Variants in CATSPERE observed in about 807,000 individuals in gnomAD.
The protein encoded by CATSPERE is cation channel sperm-associated auxiliary subunit epsilon.
CATSPERE carries 93 observed loss-of-function variants against 114.1 expected under a neutral mutation model. The ratio of observed to expected loss-of-function variants is 0.81; its 90% CI spans 0.69 to 0.97. CATSPERE has a LOEUF of 0.97. CATSPERE is among the 50% of genes least tolerant of loss of function. CATSPERE has a pLI of 0.00. For missense variants in CATSPERE, 1,058 were observed against 1,131.6 expected, an observed-to-expected ratio of 0.93 and a Z score of 0.93; for synonymous variants, 341 against 384.1, an observed-to-expected ratio of 0.89 and a Z score of 1.31.
rs752048019 is a variant in CATSPERE at position 244,593,377 on chromosome 1, G to A, written c.2190-18G>A. On this transcript the variant is annotated intron_variant, in intron 15 of 21. Transcript: ENST00000366534. ...TGAAAAGAGGAAAGAGAAATAATGA[G>A]GAATGTCTTTTTCACAGGTCATATC... is the stretch of plus-strand genomic sequence containing the variant. 2 of 1,611,138 alleles carry A rather than the reference G, an allele frequency of 1.2e-6. No individual in the cohort carries two copies. The highest frequency in any genetic ancestry group is 1.7e-6 in the Non-Finnish European group (2 of 1,179,400).
chr1:244,566,325 A>G (rs1457151049), intron 10 of CATSPERE, among the ~76,000 whole-genome samples: 1 of 152,178 alleles, frequency 6.6e-6, no homozygotes, highest in Non-Finnish European at 1.5e-5. Flanking sequence ...AGAGTTCTGT[A>G]GATGTCTATT....
At chr1:244,491,633 C>CA (rs1415657808) in intron 6 of CATSPERE, among the ~76,000 whole-genome samples, 1 of 152,004 alleles carries the variant, frequency 6.6e-6, no homozygotes, top group Non-Finnish European at 1.5e-5. Context: ...AAAAACCCTT[C>CA]AAAAAATTAA....
intron 5 of CATSPERE, among the ~76,000 whole-genome samples, chr1:244,484,656 GTTGT>G (rs756792746): frequency 6.6e-6 from 1 of 152,098 alleles, no homozygotes; most frequent in Non-Finnish European, 1.5e-5. Context: ...GTGCTTTCTA[GTTGT>G]TTGTTTATCC....
At chr1:244,480,877 G>T (rs974115415) in intron 5 of CATSPERE, among the ~76,000 whole-genome samples, 5 of 152,184 alleles carry the variant, frequency 3.3e-5, no homozygotes, top group African/African-American at 1.2e-4. Flanking sequence ...GAAACCGGCA[G>T]GCTTCTGTCC....
intron 5 of CATSPERE, among the ~76,000 whole-genome samples, chr1:244,485,660 C>T (rs1350243315): frequency 6.6e-6 from 1 of 150,594 alleles, no homozygotes; most frequent in East Asian, 1.9e-4. Flanking sequence ...TCATTCAGTT[C>T]ACTAATTATC....
upstream of CATSPERE, among the ~76,000 whole-genome samples, chr1:244,459,367 G>T (rs371674161): frequency 2.0e-5 from 3 of 152,130 alleles, no homozygotes; most frequent in African/African-American, 7.2e-5. Context: ...ATGAGCCACC[G>T]CGCCCAGCCT....
At chr1:244,623,316 G>T (rs893810899) in intron 20 of CATSPERE, among the ~76,000 whole-genome samples, 1 of 152,154 alleles carries the variant, frequency 6.6e-6, no homozygotes, top group Non-Finnish European at 1.5e-5. Context: ...GACCTCAGGT[G>T]ATCTGCCCAC....
rs914257659 is a variant in CATSPERE at position 244,520,190 on chromosome 1, C to T, written c.536+1492C>T. Reference sequence around the variant, plus strand: ...CTTTGGTTCTGTGTGCTTTGGGTGCCGTATCAAGGAAACCATTGCCAAATC... The same window carrying T: ...CTTTGGTTCTGTGTGCTTTGGGTGCTGTATCAAGGAAACCATTGCCAAATC... On this transcript the variant is annotated intron_variant, in intron 8 of 21. Coordinates refer to ENST00000366534, the MANE Select transcript of CATSPERE (RefSeq NM_001130957.2). Among the ~76,000 whole-genome samples, 38 of 148,210 alleles carry T rather than the reference C, an allele frequency of 2.6e-4. 1 individual carries two copies. The highest frequency in any genetic ancestry group is 2.5e-3 in the Admixed American group (38 of 15,128).
chr1:244,510,904 C>T (rs1208287223), intron 7 of CATSPERE, among the ~76,000 whole-genome samples: 1 of 131,598 alleles, frequency 7.6e-6, no homozygotes, highest in African/African-American at 2.9e-5. Flanking sequence ...AGTGCAATGG[C>T]ACCATCTTGG....
At chr1:244,488,084 A>G (rs180677655) in intron 5 of CATSPERE, among the ~76,000 whole-genome samples, 77 of 152,296 alleles carry the variant, frequency 5.1e-4, no homozygotes, top group African/African-American at 1.9e-3. Flanking sequence ...AAGAGTTAAT[A>G]AAAAGGGAAA....
Position 244,477,533 on chromosome 1 carries a change from T to C in CATSPERE, c.115-8T>C. ...ATTTTTTGTTCGAACTCTTGTTTTC[T>C]TTTTTAGATTAAGTTAGAGTATGAA... On this transcript the variant is annotated splice_polypyrimidine_tract_variant and splice_region_variant and intron_variant, in intron 2 of 21. Transcript: ENST00000366534. The C allele has an allele frequency of 6.5e-7, 1 of 1,539,796 alleles. No individual in the cohort carries two copies. The highest frequency in any genetic ancestry group is 1.8e-5 in the Admixed American group (1 of 57,098).
At chr1:244,616,712 G>T (rs1360607951) in intron 19 of CATSPERE, among the ~76,000 whole-genome samples, 1 of 152,172 alleles carries the variant, frequency 6.6e-6, no homozygotes, top group African/African-American at 2.4e-5. Context: ...GGACCAATTA[G>T]ACCTCACTTT....
chr1:244,463,818 C>A, intron 1 of CATSPERE, 90 bp from the exon 2 acceptor site: 1 of 1,151,798 alleles, frequency 8.7e-7, no homozygotes, highest in Non-Finnish European at 1.3e-6. Flanking sequence ...ACACTCCTGG[C>A]AGCCCAGCTA....
intron 19 of CATSPERE, chr1:244,610,605 G>A: frequency 2.0e-6 from 1 of 488,264 alleles, no homozygotes; most frequent in South Asian, 1.9e-5. Context: ...CATCAAGAGT[G>A]AGTCTTTGTA....
In CATSPERE at chr1:244,572,644, T is replaced by G. The variant is rs1440099519; in HGVS notation, c.1822T>G (p.Trp608Gly). The G allele has an allele frequency of 6.2e-7, 1 of 1,613,986 alleles. No homozygotes were observed. Among genetic ancestry groups the G allele is most frequent in the Non-Finnish European group, 8.5e-7 (1 of 1,179,984 alleles). ...FLDKGEALTVWTQIVYPENTG... is the reference protein window; with the variant it reads ...FLDKGEALTVGTQIVYPENTG... ...GGACAAGGGAGAGGCTCTGACAGTTTGGACTCAGATCGTCTATCCAGAAAA... is the reference window on the plus strand; with the variant it reads ...GGACAAGGGAGAGGCTCTGACAGTTGGGACTCAGATCGTCTATCCAGAAAA... The change falls in exon 11 of 22, where the codon TGG becomes GGG. Residue 608 changes from tryptophan to glycine, a missense_variant. Physicochemically the swap from Trp to Gly is radical, Grantham distance 184. Coordinates refer to ENST00000366534, the MANE Select transcript of CATSPERE (RefSeq NM_001130957.2).
intron 10 of CATSPERE, among the ~76,000 whole-genome samples, chr1:244,571,951 T>G (rs1450173435): frequency 6.6e-6 from 1 of 152,148 alleles, no homozygotes; most frequent in Admixed American, 6.5e-5. Context: ...CCAAATACAG[T>G]CTCATTGGAC....
At chr1:244,497,116 A>G (rs1673220722) in intron 6 of CATSPERE, among the ~76,000 whole-genome samples, 1 of 152,242 alleles carries the variant, frequency 6.6e-6, no homozygotes, top group Admixed American at 6.5e-5. Context: ...TAAATACAAT[A>G]AATCCAGTAA....
At chr1:244,485,044 T>C (rs1670777986) in intron 5 of CATSPERE, among the ~76,000 whole-genome samples, 1 of 152,206 alleles carries the variant, frequency 6.6e-6, no homozygotes, top group Non-Finnish European at 1.5e-5. Context: ...ATTTTCTCTG[T>C]GGTCGTTTTA....
Position 244,560,777 on chromosome 1 carries a change from T to A in CATSPERE, c.1139T>A (p.Ile380Asn), listed in dbSNP as rs145679281. ...RLVTTTELKN[I>N]LSLSVTATLT... ...GTAACTACCACAGAACTGAAAAACA[T>A]CCTAAGTCTATCGGTGACTGCTACT... is the stretch of plus-strand genomic sequence containing the variant. The change falls in exon 10 of 22, where the codon ATC (isoleucine) becomes AAC (asparagine). Residue 380 changes from isoleucine (I) to asparagine (N), a missense_variant. Physicochemically the swap from Ile to Asn is moderately radical, Grantham distance 149. Coordinates refer to ENST00000366534, the MANE Select transcript of CATSPERE (RefSeq NM_001130957.2). 2 of 1,613,920 alleles carry A rather than the reference T, an allele frequency of 1.2e-6. No homozygotes were observed. The highest frequency in any genetic ancestry group is 1.7e-6 in the Non-Finnish European group (2 of 1,179,954).
Sources: gnomAD v4.1 joint callset for allele counts (sites outside exome capture counted in the v4.1 genomes callset) on GRCh38, gnomAD v4.1.1 for gene constraint, MANE v1.5 for transcripts, NCBI Gene and HGNC (gene_info 2026-07-23, HGNC 2026-07-21) for gene names.